The following SLC24A2 variants were observed in gnomAD, a reference collection of about 807,000 sequenced individuals.
SLC24A2 encodes sodium/potassium/calcium exchanger 2.
SLC24A2 carries 36 observed loss-of-function variants against 62.0 expected under a neutral mutation model. The ratio of observed to expected loss-of-function variants is 0.58; its 90% CI spans 0.44 to 0.77. SLC24A2 has a LOEUF of 0.77. Among genes scored for constraint, SLC24A2 ranks in the 30% least tolerant of loss-of-function variants. The pLI is 0.00. For synonymous variants in SLC24A2, 358 were observed against 294.0 expected (o/e 1.22, Z -2.23); for missense variants, 846 against 817.9 (o/e 1.03, Z -0.42).
At chr9:20,267,371 C>A in the SLC24A2 span, among the ~76,000 whole-genome samples, 3 of 152,158 alleles carry the variant, frequency 2.0e-5, no homozygotes, top group African/African-American at 4.8e-5. Context: ...TTACCCGGAT[C>A]CCCCTGAAAA....
In SLC24A2 at chr9:19,516,950, A is replaced by G. The variant is rs544233952; in HGVS notation, c.1737-548T>C. 3.9e-5 allele frequency among the ~76,000 whole-genome samples: 6 copies of G among 152,378 alleles called. No individual in the cohort carries two copies. The East Asian group carries it at 7.7e-4, about 20-fold the overall frequency. ...CACAGGCTGAAGTTTATTCTGGGAA[A>G]GATGTTGACAATTGTTTGATGAAAA... is the stretch of plus-strand genomic sequence containing the variant. On this transcript the variant is annotated intron_variant, in intron 10 of 10. Coordinates refer to ENST00000341998, the MANE Select transcript of SLC24A2 (RefSeq NM_020344.4).
the SLC24A2 span, among the ~76,000 whole-genome samples, chr9:19,971,602 T>C: frequency 2.0e-5 from 3 of 152,216 alleles, no homozygotes; most frequent in African/African-American, 4.8e-5. Context: ...GTATGGACCA[T>C]TGTCAATTGG....
chr9:20,267,058 G>GC, the SLC24A2 span, among the ~76,000 whole-genome samples: 1 of 127,650 alleles, frequency 7.8e-6, no homozygotes, highest in South Asian at 2.4e-4. Flanking sequence ...CTTAAGAAAT[G>GC]AAAAAAAAAA....
the SLC24A2 span, among the ~76,000 whole-genome samples, chr9:20,199,350 A>G: frequency 6.6e-6 from 1 of 152,214 alleles, no homozygotes; most frequent in Admixed American, 6.5e-5. Context: ...GGCACTGTAT[A>G]TTACTAAACC....
the SLC24A2 span, among the ~76,000 whole-genome samples, chr9:20,277,115 G>A: frequency 6.6e-6 from 1 of 152,020 alleles, no homozygotes; most frequent in Non-Finnish European, 1.5e-5. Flanking sequence ...CAGAAAATGG[G>A]GTTTTCCCAT....
At chr9:20,120,135 A>C in the SLC24A2 span, among the ~76,000 whole-genome samples, 1 of 152,152 alleles carries the variant, frequency 6.6e-6, no homozygotes, top group Admixed American at 6.6e-5. Context: ...TTCACACACA[A>C]GTATTTTTTC....
chr9:19,912,103 G>A, the SLC24A2 span, among the ~76,000 whole-genome samples: 1 of 152,056 alleles, frequency 6.6e-6, no homozygotes, highest in Non-Finnish European at 1.5e-5. Flanking sequence ...GAGTGTCGTG[G>A]AGGTATTCAA....
At chr9:20,138,021 G>A in the SLC24A2 span, among the ~76,000 whole-genome samples, 1 of 152,182 alleles carries the variant, frequency 6.6e-6, no homozygotes, top group Non-Finnish European at 1.5e-5. Flanking sequence ...ATTGTCCACA[G>A]CCCTGAGAGT....
chr9:19,810,380 G>C, the SLC24A2 span, among the ~76,000 whole-genome samples: 1 of 152,202 alleles, frequency 6.6e-6, no homozygotes, highest in East Asian at 1.9e-4. Context: ...TCTGTTTTTA[G>C]AGACTAGTCT....
At chr9:19,718,835 G>C (rs1820942152) in intron 2 of SLC24A2, among the ~76,000 whole-genome samples, 1 of 152,162 alleles carries the variant, frequency 6.6e-6, no homozygotes, top group African/African-American at 2.4e-5. Flanking sequence ...GAACTTTAAA[G>C]TGTGGTGTCA....
chr9:19,851,382 G>A, the SLC24A2 span, among the ~76,000 whole-genome samples: 17 of 151,980 alleles, frequency 1.1e-4, no homozygotes, highest in African/African-American at 3.9e-4. Context: ...GGATGTGCAG[G>A]TTTATTACAT....
chr9:20,207,173 G>A, the SLC24A2 span, among the ~76,000 whole-genome samples: 2 of 152,136 alleles, frequency 1.3e-5, no homozygotes, highest in African/African-American at 2.4e-5. Context: ...ATTCTATAAT[G>A]CAGACTTTAG....
At chr9:19,575,956 A>G (rs573727643) in intron 6 of SLC24A2, among the ~76,000 whole-genome samples, 6 of 137,676 alleles carry the variant, frequency 4.4e-5, no homozygotes, top group African/African-American at 1.9e-4. Context: ...ATAGAAGCAT[A>G]AAGAAGCAGA....
chr9:20,286,675 T>G, the SLC24A2 span, among the ~76,000 whole-genome samples: 1 of 152,200 alleles, frequency 6.6e-6, no homozygotes, highest in African/African-American at 2.4e-5. Flanking sequence ...CACCTTCCCC[T>G]TGCACGGATG....
chr9:20,082,439 G>A, the SLC24A2 span, among the ~76,000 whole-genome samples: 1 of 152,332 alleles, frequency 6.6e-6, no homozygotes, highest in Non-Finnish European at 1.5e-5. Context: ...GCAGAGTTCT[G>A]TCAGTGATAT....
At chr9:20,004,120 T>C in the SLC24A2 span, among the ~76,000 whole-genome samples, 1 of 152,152 alleles carries the variant, frequency 6.6e-6, no homozygotes, top group Admixed American at 6.5e-5. Flanking sequence ...ATAAAACAGG[T>C]ATAGACACAG....
At chr9:19,731,413 A>C (rs1372597542) in intron 2 of SLC24A2, among the ~76,000 whole-genome samples, 1 of 152,200 alleles carries the variant, frequency 6.6e-6, no homozygotes, top group Non-Finnish European at 1.5e-5. Flanking sequence ...ATAAAGAAGT[A>C]ATTTAAGTTA....
chr9:20,223,468 C>T, the SLC24A2 span, among the ~76,000 whole-genome samples: 1 of 152,108 alleles, frequency 6.6e-6, no homozygotes, highest in Non-Finnish European at 1.5e-5. Flanking sequence ...AAAATCCCAA[C>T]TGAAATTTCC....
At chr9:20,200,723 C>A in the SLC24A2 span, among the ~76,000 whole-genome samples, 1 of 152,158 alleles carries the variant, frequency 6.6e-6, no homozygotes, top group Non-Finnish European at 1.5e-5. Flanking sequence ...TGCCCAGGGA[C>A]GCTGCCATTG....
Sources: gnomAD v4.1 joint callset for allele counts (sites outside exome capture counted in the v4.1 genomes callset) on GRCh38, gnomAD v4.1.1 for gene constraint, MANE v1.5 for transcripts, NCBI Gene and HGNC (gene_info 2026-07-23, HGNC 2026-07-21) for gene names.